PRDM8: variants seen among roughly 807,000 people sequenced by gnomAD.
PRDM8 encodes the protein PR/SET domain 8.
A neutral mutation model predicts 46.5 loss-of-function variants in PRDM8; 13 were observed. The observed-to-expected ratio is 0.28, with a 90% confidence interval of 0.18 to 0.44. PRDM8 has a LOEUF of 0.44. Ranked by LOEUF, PRDM8 falls within the 20% of genes least tolerant of loss-of-function variation. PRDM8 has a pLI of 1.00. For synonymous variants in PRDM8, 473 were observed against 438.4 expected, an observed-to-expected ratio of 1.08 and a Z score of -0.98; for missense variants, 998 against 955.0, an observed-to-expected ratio of 1.04 and a Z score of -0.59.
rs1308201562 is a variant in PRDM8, at chr4:80,202,724, GCTC to G, written c.1267_1269del (p.Ser423del). The G allele has an allele frequency of 7.6e-7, 1 of 1,316,818 alleles. No homozygotes were observed. Among genetic ancestry groups the G allele is most frequent in the Non-Finnish European group, 9.6e-7 (1 of 1,039,030 alleles). 81.6% of individuals were successfully genotyped at this position (1,316,818 alleles called of 1,614,324 possible). A position where few individuals can be genotyped will look rare whatever the true frequency, so the allele number is the denominator to read the frequency against. On this transcript the variant is annotated inframe_deletion, in exon 4 of 4. Transcript: ENST00000415738. ...GACCAGGACGCTGGCGGCGGCGGCG[GCTC>G]CTCCACGCCCGCGGCCGCGTCACCG...
upstream of PRDM8, chr4:80,195,863 G>A (rs78129004): frequency 7.4e-3 from 1,167 of 158,658 alleles, 7 homozygotes; most frequent in African/African-American, 0.026. Flanking sequence ...GCAGCAATTC[G>A]GAATTTGCCT....
chr4:80,185,672 C>G (rs887914659), intron 1 of PRDM8, among the ~76,000 whole-genome samples: 1 of 152,174 alleles, frequency 6.6e-6, no homozygotes, highest in African/African-American at 2.4e-5. Flanking sequence ...TGCGAGGGCA[C>G]TAGGACAACA....
chr4:80,201,891 T>C, intron 3 of PRDM8, 23 bp from the exon 4 acceptor site: 2 of 1,612,154 alleles, frequency 1.2e-6, no homozygotes, highest in Middle Eastern at 3.5e-4. Flanking sequence ...CGTGCGTGTG[T>C]GTGGTGTTTG....
upstream of PRDM8, among the ~76,000 whole-genome samples, chr4:80,193,194 C>T (rs909440759): frequency 1.3e-5 from 2 of 152,176 alleles, no homozygotes; most frequent in Non-Finnish European, 2.9e-5. Context: ...AATTACCCAA[C>T]CCTGAGTCTC....
Position 80,201,295 on chromosome 4 carries a change from C to T in PRDM8, c.225C>T (p.Asp75=), listed in dbSNP as rs745726236. ...TCATTTATTTCAAACCGCAGGTAGACACCTCAGCAGCAAATGGTTCCTCAG... is the reference window on the plus strand; with the variant it reads ...TCATTTATTTCAAACCGCAGGTAGATACCTCAGCAGCAAATGGTTCCTCAG... The part of the protein sequence containing the change: ...KRTVPYIFRV[D]TSAANGSSEG... The change falls in exon 3 of 4, where the codon GAC becomes GAT. Residue 75 remains aspartate, a synonymous_variant. Coordinates refer to ENST00000415738, the MANE Select transcript of PRDM8 (RefSeq NM_001099403.2). 6.2e-7 allele frequency: 1 copy of T among 1,614,176 alleles called. No individual in the cohort carries two copies. Among genetic ancestry groups the T allele is most frequent in the Non-Finnish European group, 8.5e-7 (1 of 1,179,992 alleles).
At chr4:80,187,728 C>T (rs74935480) in intron 1 of PRDM8, among the ~76,000 whole-genome samples, 1 of 152,134 alleles carries the variant, frequency 6.6e-6, no homozygotes, top group Non-Finnish European at 1.5e-5. Flanking sequence ...GGGATGCAAC[C>T]TCCTGCTCCT....
Position 80,203,680 on chromosome 4 carries a change from C to G in PRDM8, c.*148C>G. The G allele has an allele frequency of 1.5e-6, 2 of 1,354,822 alleles. No individual in the cohort carries two copies. The highest frequency in any genetic ancestry group is 1.5e-5 in the South Asian group (1 of 65,136). 83.9% of individuals were successfully genotyped at this position (1,354,822 alleles called of 1,614,324 possible). ...TCACCGCCCCCCCGCCCCCCCAACG[C>G]GCACACACACGTCCTCTCCTCCCAG... On this transcript the variant is annotated 3_prime_UTR_variant, in exon 4 of 4. Coordinates refer to ENST00000415738, the MANE Select transcript of PRDM8 (RefSeq NM_001099403.2).
chr4:80,189,538 A>C (rs1057043460), intron 1 of PRDM8, among the ~76,000 whole-genome samples: 3 of 152,138 alleles, frequency 2.0e-5, no homozygotes, highest in African/African-American at 7.2e-5. Context: ...GGTCACTTGG[A>C]AAGTGGGTTC....
chr4:80,202,320 TAGCGGC>T lies in PRDM8; in HGVS notation c.865_870del (p.Ser289_Gly290del), dbSNP rs763199170. On this transcript the variant is annotated inframe_deletion, in exon 4 of 4. Transcript: ENST00000415738. ...CCCCAGCCCAGAGCCTCAGCAGCGG[TAGCGGC>T]AGCGGCGGCGGCGGCGGCCACCAGG... The T allele has an allele frequency of 5.7e-6, 9 of 1,577,188 alleles. No homozygotes were observed. In the African/African-American group the frequency reaches 1.2e-4, roughly 20 times the overall value.
Position 80,201,994 on chromosome 4 carries a change from T to C in PRDM8, c.532T>C (p.Cys178Arg), listed in dbSNP as rs2109877963. The C allele has an allele frequency of 1.2e-6, 2 of 1,614,096 alleles. No individual in the cohort carries two copies. The highest frequency in any genetic ancestry group is 1.7e-6 in the Non-Finnish European group (2 of 1,180,024). ...CTATGTGGCGCATCTGCGTTTCCGC[T>C]GCCCCAAGAGACTTCACAGCGCTGA... ...FPYVAHLRFR[C>R]PKRLHSADIS... is the part of the protein sequence containing the mutation. Residue 178 changes from cysteine (C) to arginine (R), a missense_variant, in exon 4 of 4, where the codon TGC (cysteine) becomes CGC (arginine). By Grantham distance (180) the Cys-to-Arg change is radical. Transcript: ENST00000415738.
At chr4:80,194,626 G>A (rs537936020), upstream of PRDM8, among the ~76,000 whole-genome samples, 12 of 152,166 alleles carry the variant, frequency 7.9e-5, no homozygotes, top group Non-Finnish European at 1.6e-4. Context: ...TAAGAATTTC[G>A]ACTTAATCTT....
Position 80,202,496 on chromosome 4 carries a change from A to G in PRDM8, c.1034A>G (p.Lys345Arg). ...GTAGAGCGGCCCCTCCCGGCCTCCA[A>G]GGAGGATCTGGTGTGCACACCGCAG... is the stretch of plus-strand genomic sequence containing the variant. ...RFVERPLPASKEDLVCTPQQY... is the reference protein window; with the variant it reads ...RFVERPLPASREDLVCTPQQY... Residue 345 changes from lysine (K) to arginine (R), a missense_variant, in exon 4 of 4, where the codon AAG becomes AGG. Coordinates refer to ENST00000415738, the MANE Select transcript of PRDM8 (RefSeq NM_001099403.2). 1 of 1,536,454 alleles carries G rather than the reference A, an allele frequency of 6.5e-7. No individual in the cohort carries two copies. Among genetic ancestry groups the G allele is most frequent in the Non-Finnish European group, 8.7e-7 (1 of 1,144,396 alleles).
upstream of PRDM8, among the ~76,000 whole-genome samples, chr4:80,193,323 C>T (rs186849560): frequency 3.3e-5 from 5 of 152,242 alleles, no homozygotes; most frequent in South Asian, 2.1e-4. Flanking sequence ...TTATAAAAAA[C>T]GAGTAGCCCT....
In PRDM8 at chr4:80,201,350, T is replaced by A. The variant is rs565429688; in HGVS notation, c.280T>A (p.Ser94Thr). ...EGLMWLRLVQ[S>T]ARDKEEQNLE... Reference sequence around the variant, plus strand: ...TCTCATGTGGCTGCGGTTGGTCCAATCGGCCAGAGATAAGGAAGAGCAGAA... The same window carrying A: ...TCTCATGTGGCTGCGGTTGGTCCAAACGGCCAGAGATAAGGAAGAGCAGAA... Residue 94 changes from serine to threonine, a missense_variant, in exon 3 of 4, where the codon TCG (serine) becomes ACG (threonine). Ser to Thr is a moderately conservative substitution (Grantham distance 58). Coordinates refer to ENST00000415738, the MANE Select transcript of PRDM8 (RefSeq NM_001099403.2). 6.2e-7 allele frequency: 1 copy of A among 1,614,174 alleles called. No homozygotes were observed. The highest frequency in any genetic ancestry group is 1.7e-5 in the Admixed American group (1 of 60,030).
chr4:80,197,219 A>G, upstream of PRDM8: 3 of 985,364 alleles, frequency 3.0e-6, no homozygotes, highest in South Asian at 4.7e-5. Flanking sequence ...TCATTTTGGT[A>G]CCTTCCTTTC....
Position 80,202,176 on chromosome 4 carries a change from C to A in PRDM8, c.714C>A (p.Ser238=), listed in dbSNP as rs1174043448. ...CCGGCCCCCTCCACCACTACCCATC[C>A]CCCTCCCCGGAAAGCAGCAACCCAT... ...CKAGPLHHYP[S]PSPESSNPSA... The change falls in exon 4 of 4, where the codon TCC becomes TCA. Residue 238 remains serine, a synonymous_variant. Transcript: ENST00000415738. 2 of 1,611,910 alleles carry A rather than the reference C, an allele frequency of 1.2e-6. No individual in the cohort carries two copies. Among genetic ancestry groups the A allele is most frequent in the Admixed American group, 1.7e-5 (1 of 59,970 alleles).
chr4:80,194,106 C>G (rs1469719314), upstream of PRDM8: 1 of 389,400 alleles, frequency 2.6e-6, no homozygotes, highest in East Asian at 1.6e-4. Flanking sequence ...TCCACCCTCT[C>G]ACTTAGGTCA....
chr4:80,188,827 C>A (rs1398486152), intron 1 of PRDM8, among the ~76,000 whole-genome samples: 1 of 152,218 alleles, frequency 6.6e-6, no homozygotes, highest in East Asian at 1.9e-4. Flanking sequence ...CCGGGCATCG[C>A]GAGCCAGACA....
chr4:80,193,241 A>G (rs1042450373), upstream of PRDM8, among the ~76,000 whole-genome samples: 1 of 152,174 alleles, frequency 6.6e-6, no homozygotes, highest in Non-Finnish European at 1.5e-5. Flanking sequence ...ACATTTGCTC[A>G]TGTAATACCC....
Sources: allele counts gnomAD v4.1 joint callset (sites outside exome capture counted in the v4.1 genomes callset), GRCh38; gene constraint gnomAD v4.1.1; transcripts MANE v1.5; gene names NCBI Gene and HGNC (gene_info 2026-07-23, HGNC 2026-07-21).